EYA2: variants seen among roughly 807,000 people sequenced by gnomAD.
The protein encoded by EYA2 is protein phosphatase EYA2.
EYA2 carries 31 observed loss-of-function variants against 69.2 expected under a neutral mutation model. The observed-to-expected ratio is 0.45, with a 90% CI of 0.34 to 0.60. EYA2 has a LOEUF of 0.60. Among genes scored for constraint, EYA2 ranks in the 20% least tolerant of loss-of-function variants. The pLI, the probability that EYA2 is intolerant of heterozygous loss-of-function variation, is 0.02. For missense variants in EYA2, 622 were observed against 701.2 expected (o/e 0.89, Z 1.28); for synonymous variants, 257 against 279.4 (o/e 0.92, Z 0.80).
intron 1 of EYA2, among the ~76,000 whole-genome samples, chr20:46,907,370 C>T (rs1467371400): frequency 6.6e-6 from 1 of 152,212 alleles, no homozygotes; most frequent in African/African-American, 2.4e-5. Context: ...CCTCAACAGG[C>T]AGCCTACAAG....
intron 4 of EYA2, among the ~76,000 whole-genome samples, chr20:47,005,607 T>C (rs1043949800): frequency 1.3e-5 from 2 of 152,230 alleles, no homozygotes; most frequent in African/African-American, 4.8e-5. Flanking sequence ...GCAATGCTTA[T>C]AGCAAGGCAA....
intron 8 of EYA2, among the ~76,000 whole-genome samples, chr20:47,096,802 G>T (rs1258523388): frequency 6.6e-6 from 1 of 152,122 alleles, no homozygotes; most frequent in Non-Finnish European, 1.5e-5. Flanking sequence ...GTTGATTTTG[G>T]CCTGAATCCT....
In EYA2 at chr20:47,082,249, A is replaced by G. The variant is rs147699211; in HGVS notation, c.662-6990A>G. 2.6e-3 allele frequency among the ~76,000 whole-genome samples: 400 copies of G among 152,318 alleles called. 1 individual carries two copies. The highest frequency in any genetic ancestry group is 9.1e-3 in the African/African-American group (377 of 41,572). ...TAAATATAATAATTTTCATCCAAAGATATGATTATTTAACTTAATTTAAAA... is the reference window on the plus strand; with the variant it reads ...TAAATATAATAATTTTCATCCAAAGGTATGATTATTTAACTTAATTTAAAA... On this transcript the variant is annotated intron_variant, in intron 7 of 15. Transcript: ENST00000327619.
At chr20:47,038,534 A>G (rs191552186) in intron 5 of EYA2, among the ~76,000 whole-genome samples, 2 of 152,276 alleles carry the variant, frequency 1.3e-5, no homozygotes, top group East Asian at 1.9e-4. Flanking sequence ...TCTGCCCACA[A>G]GGGTGCTCTG....
chr20:47,023,631 T>TG lies in EYA2; in HGVS notation c.415+7335dup, dbSNP rs1172396288. On this transcript the variant is annotated intron_variant, in intron 5 of 15. Transcript: ENST00000327619. The stretch of plus-strand genomic sequence containing the variant: ...TCATCTCCAGAAGTTTGATTTTGGG[T>TG]GTTTTTTTTTTTTTTTTTTTTTTGA... Among the ~76,000 whole-genome samples the TG allele has an allele frequency of 2.8e-3, 181 of 63,632 alleles. 1 individual carries two copies. Among genetic ancestry groups the TG allele is most frequent in the African/African-American group, 7.7e-3 (175 of 22,772 alleles). 41.7% of individuals were successfully genotyped at this position (63,632 alleles called of 152,430 possible).
intron 5 of EYA2, among the ~76,000 whole-genome samples, chr20:47,019,090 G>GCAGT (rs1983592803): frequency 6.6e-6 from 1 of 152,152 alleles, no homozygotes; most frequent in South Asian, 2.1e-4. Context: ...AATGAGCCAG[G>GCAGT]CAGTCGCCCA....
chr20:47,176,399 A>G (rs2034427904), intron 12 of EYA2, among the ~76,000 whole-genome samples: 1 of 96,864 alleles, frequency 1.0e-5, no homozygotes, highest in Non-Finnish European at 1.9e-5. Context: ...TAATTCAGTC[A>G]TTTCGAGGAT....
chr20:47,144,000 ATCAGTAAGGAAATCT>A (rs2033651843), intron 10 of EYA2, among the ~76,000 whole-genome samples: 1 of 152,256 alleles, frequency 6.6e-6, no homozygotes, highest in Non-Finnish European at 1.5e-5. Flanking sequence ...TGATAAAAGG[ATCAGTAAGGAAATCT>A]TCTGGCTTTG....
chr20:47,152,428 C>A (rs1198364049), intron 10 of EYA2, among the ~76,000 whole-genome samples: 1 of 147,692 alleles, frequency 6.8e-6, no homozygotes, highest in Non-Finnish European at 1.5e-5. Flanking sequence ...TGAATGTTCT[C>A]ATTCACATTA....
At chr20:46,916,546 T>C (rs983309924) in intron 1 of EYA2, among the ~76,000 whole-genome samples, 1 of 152,194 alleles carries the variant, frequency 6.6e-6, no homozygotes, top group Non-Finnish European at 1.5e-5. Flanking sequence ...CAAGTAGAAT[T>C]GGACAAAAGT....
intron 1 of EYA2, among the ~76,000 whole-genome samples, chr20:46,973,912 G>C (rs375066169): frequency 6.6e-6 from 1 of 151,996 alleles, no homozygotes; most frequent in African/African-American, 2.4e-5. Context: ...TTTCAATTTC[G>C]GGGTAATGAT....
At chr20:47,144,402 T>C (rs1476287545) in intron 10 of EYA2, among the ~76,000 whole-genome samples, 3 of 151,566 alleles carry the variant, frequency 2.0e-5, no homozygotes, top group Non-Finnish European at 4.4e-5. Context: ...AATAAAACTG[T>C]ATACAAAAAA....
At chr20:47,164,597 T>G (rs1329676490) in intron 10 of EYA2, among the ~76,000 whole-genome samples, 1 of 152,154 alleles carries the variant, frequency 6.6e-6, no homozygotes, top group Non-Finnish European at 1.5e-5. Flanking sequence ...TTCCTTAACA[T>G]GTCAGGATTG....
At chr20:47,093,731 G>A (rs573753269) in intron 8 of EYA2, among the ~76,000 whole-genome samples, 74 of 152,280 alleles carry the variant, frequency 4.9e-4, no homozygotes, top group South Asian at 3.9e-3. Flanking sequence ...TGTGCACAGC[G>A]TCAGCAGGGC....
At chr20:46,979,646 G>A (rs952563675) in intron 1 of EYA2, 1 of 152,088 alleles carries the variant, frequency 6.6e-6, no homozygotes, top group South Asian at 2.1e-4. Flanking sequence ...TGTGAGGTGG[G>A]GAAGAGTGGG....
intron 15 of EYA2, among the ~76,000 whole-genome samples, chr20:47,184,062 G>A (rs1418842803): frequency 1.3e-5 from 2 of 152,186 alleles, no homozygotes; most frequent in Non-Finnish European, 2.9e-5. Flanking sequence ...CAGAAGAAGA[G>A]GGAAGCCCTA....
At chr20:46,998,486 G>A (rs1194951570) in intron 2 of EYA2, 2 of 152,218 alleles carry the variant, frequency 1.3e-5, no homozygotes, top group African/African-American at 4.8e-5. Context: ...AGGACTAAGG[G>A]CTCTGGACCA....
At position 47,089,222 on chromosome 20, in the gene EYA2, T is replaced by C. The variant is rs760735604; in HGVS notation, c.662-17T>C. On this transcript the variant is annotated splice_polypyrimidine_tract_variant and intron_variant, in intron 7 of 15. Coordinates refer to ENST00000327619, the MANE Select transcript of EYA2 (RefSeq NM_005244.5). Reference sequence around the variant, plus strand: ...GCAAAGCTTCTGATTTGTCCACCATTCCCTTTCTTACGCCAGGTGAATACA... The same window carrying C: ...GCAAAGCTTCTGATTTGTCCACCATCCCCTTTCTTACGCCAGGTGAATACA... 1 of 1,612,608 alleles carries C rather than the reference T, an allele frequency of 6.2e-7. No homozygotes were observed. The highest frequency in any genetic ancestry group is 1.3e-5 in the African/African-American group (1 of 74,982).
chr20:47,166,448 A>G (rs1047410517), intron 10 of EYA2, among the ~76,000 whole-genome samples: 12 of 137,092 alleles, frequency 8.8e-5, no homozygotes, highest in East Asian at 4.4e-4. Flanking sequence ...TGCTTGTCCA[A>G]TTGTCTAAAA....
Sources: allele counts gnomAD v4.1 joint callset (sites outside exome capture counted in the v4.1 genomes callset), GRCh38; gene constraint gnomAD v4.1.1; transcripts MANE v1.5; gene names NCBI Gene and HGNC (gene_info 2026-07-23, HGNC 2026-07-21).